Variants in PTPRN2 observed in about 807,000 individuals in gnomAD.
PTPRN2 encodes the protein protein tyrosine phosphatase receptor type N2.
Under a neutral mutation model 118.8 loss-of-function variants are expected in PTPRN2, and 74 were observed. The observed-to-expected ratio is 0.62, with a 90% confidence interval of 0.52 to 0.76. The LOEUF is 0.76. Among genes scored for constraint, PTPRN2 ranks in the 30% least tolerant of loss-of-function variants. PTPRN2 has a pLI of 0.00. For synonymous variants in PTPRN2, 641 were observed against 608.0 expected, an observed-to-expected ratio of 1.05 and a Z score of -0.80; for missense variants, 1,481 against 1,394.4, an observed-to-expected ratio of 1.06 and a Z score of -0.99.
At chr7:157,648,912 T>A (rs1436220217) in intron 14 of PTPRN2, among the ~76,000 whole-genome samples, 101 of 84,022 alleles carry the variant, frequency 1.2e-3, no homozygotes, top group Admixed American at 3.3e-3. Context: ...GGTTGGACCC[T>A]TTCACTGTGC....
intron 5 of PTPRN2, among the ~76,000 whole-genome samples, chr7:158,183,731 C>T (rs1824910474): frequency 6.6e-6 from 1 of 152,240 alleles, no homozygotes; most frequent in African/African-American, 2.4e-5. Context: ...ATCTTGGAGG[C>T]AGTGTCTCCC....
At position 158,525,988 on chromosome 7, in the gene PTPRN2, TCTGCAGAC is replaced by T. The variant is rs1247425083; in HGVS notation, c.113-36211_113-36204del. 6.7e-4 allele frequency among the ~76,000 whole-genome samples: 102 copies of T among 152,190 alleles called. 1 individual carries two copies. The highest frequency in any genetic ancestry group is 3.2e-4 in the Non-Finnish European group (22 of 68,034). ...CAATGCCCCCCCATTGACTCGGCTC[TCTGCAGAC>T]CTGCAGACCTGCAGCCCAGCCCCTA... On this transcript the variant is annotated intron_variant, in intron 1 of 22. Coordinates refer to ENST00000389418, the MANE Select transcript of PTPRN2 (RefSeq NM_002847.5). This position sits in a 1 kb window ranked among gnomAD's most constrained non-coding sequence, Gnocchi z 4.1.
chr7:157,781,149 C>G (rs1367934847), intron 12 of PTPRN2, among the ~76,000 whole-genome samples: 1 of 152,202 alleles, frequency 6.6e-6, no homozygotes, highest in African/African-American at 2.4e-5. Flanking sequence ...AGAGCACTGC[C>G]CTGCCACAGC....
chr7:158,479,836 C>T (rs1313133148), intron 2 of PTPRN2, among the ~76,000 whole-genome samples: 3 of 152,330 alleles, frequency 2.0e-5, no homozygotes, highest in South Asian at 2.1e-4. Context: ...TACGGGGTGG[C>T]GGGCGCAAGC....
chr7:158,094,455 A>G (rs1049080769), intron 10 of PTPRN2, among the ~76,000 whole-genome samples: 2 of 151,838 alleles, frequency 1.3e-5, no homozygotes, highest in Non-Finnish European at 2.9e-5. Context: ...GATTACAGGC[A>G]CCTGCCACCA....
chr7:158,278,429 C>T (rs1002517409), intron 3 of PTPRN2, among the ~76,000 whole-genome samples: 21 of 152,210 alleles, frequency 1.4e-4, no homozygotes, highest in Admixed American at 6.5e-4. Flanking sequence ...TGAAGGTGGG[C>T]GCCTGTAATC....
intron 5 of PTPRN2, among the ~76,000 whole-genome samples, chr7:158,178,596 T>C (rs1378571930): frequency 2.1e-4 from 29 of 138,488 alleles, no homozygotes; most frequent in Admixed American, 5.1e-4. Context: ...TTTCTTTTTT[T>C]TTTTTTTTTT....
In PTPRN2 at chr7:157,861,517, C is replaced by G. The variant is rs1010879148; in HGVS notation, c.1788+37156G>C. On this transcript the variant is annotated intron_variant, in intron 12 of 22. Transcript: ENST00000389418. This position sits in a 1 kb window ranked among gnomAD's most constrained non-coding sequence, Gnocchi z 5.8. Reference sequence around the variant, plus strand: ...CTTGCAGGGCCCAGCCGCTGTGCCTCTGTGTGGCCTCCCCACCTTACCTGC... The same window carrying G: ...CTTGCAGGGCCCAGCCGCTGTGCCTGTGTGTGGCCTCCCCACCTTACCTGC... 6.6e-6 allele frequency among the ~76,000 whole-genome samples: 1 copy of G among 152,248 alleles called. No individual in the cohort carries two copies. The highest frequency in any genetic ancestry group is 2.4e-5 in the African/African-American group (1 of 41,468).
Position 157,591,893 on chromosome 7 carries a change from G to T in PTPRN2, c.2496+3345C>A, listed in dbSNP as rs969862513. 2.0e-5 allele frequency among the ~76,000 whole-genome samples: 3 copies of T among 152,176 alleles called. No homozygotes were observed. The highest frequency in any genetic ancestry group is 4.8e-5 in the African/African-American group (2 of 41,444). On this transcript the variant is annotated intron_variant, in intron 17 of 22. Transcript: ENST00000389418. The surrounding 1 kb of genome is among the most constrained non-coding windows in gnomAD (Gnocchi z 4.4). The stretch of plus-strand genomic sequence containing the variant: ...AAGCAATGACGTCGTGGTCAGGGAC[G>T]TCTGCAGGGAGCAAAATGAAGCGAG...
At chr7:158,149,076 C>A (rs910418877) in intron 6 of PTPRN2, among the ~76,000 whole-genome samples, 1 of 129,682 alleles carries the variant, frequency 7.7e-6, no homozygotes, top group Non-Finnish European at 1.7e-5. Flanking sequence ...GTGTCATTCC[C>A]CCTCACTGAC....
chr7:157,851,011 G>A (rs1809239306), intron 12 of PTPRN2, among the ~76,000 whole-genome samples: 1 of 152,234 alleles, frequency 6.6e-6, no homozygotes, highest in Non-Finnish European at 1.5e-5. Flanking sequence ...GAATGGGCGG[G>A]CTGTCGAACA....
chr7:158,316,764 C>A, intron 3 of PTPRN2, 55 bp downstream of exon 3: 3 of 1,339,816 alleles, frequency 2.2e-6, no homozygotes, highest in South Asian at 2.7e-5. Context: ...AGAAGCCAAG[C>A]CCGTGCGGTC....
chr7:158,101,108 C>T (rs1293128390), intron 10 of PTPRN2, among the ~76,000 whole-genome samples: 1 of 152,196 alleles, frequency 6.6e-6, no homozygotes, highest in Admixed American at 6.5e-5. Flanking sequence ...CATCACATTA[C>T]CTGACTTCAA....
chr7:158,530,047 C>A (rs527402624), intron 1 of PTPRN2, among the ~76,000 whole-genome samples: 4 of 152,276 alleles, frequency 2.6e-5, no homozygotes, highest in African/African-American at 9.6e-5. Context: ...GTTTCTGTCA[C>A]AACCAAGAGG....
At chr7:158,198,070 A>T (rs1270572536) in intron 4 of PTPRN2, among the ~76,000 whole-genome samples, 2 of 152,208 alleles carry the variant, frequency 1.3e-5, no homozygotes, top group African/African-American at 2.4e-5. Flanking sequence ...CTATGTTGTC[A>T]GAGTGTAATT....
chr7:158,396,705 CAT>C (rs1279666234), intron 2 of PTPRN2, among the ~76,000 whole-genome samples: 8 of 152,148 alleles, frequency 5.3e-5, no homozygotes, highest in East Asian at 1.9e-4. Flanking sequence ...TGTGTGTGCA[CAT>C]GTGTGCATGT....
At chr7:158,268,516 G>A (rs1455860402) in intron 3 of PTPRN2, among the ~76,000 whole-genome samples, 1 of 141,196 alleles carries the variant, frequency 7.1e-6, no homozygotes, top group Non-Finnish European at 1.5e-5. Flanking sequence ...AACAGGGCGG[G>A]TGTGAAATAT....
intron 14 of PTPRN2, among the ~76,000 whole-genome samples, chr7:157,623,480 C>A (rs1193587188): frequency 6.6e-6 from 1 of 152,182 alleles, no homozygotes; most frequent in East Asian, 1.9e-4. Flanking sequence ...ATGATGGGTT[C>A]TAAAATGATG....
intron 6 of PTPRN2, among the ~76,000 whole-genome samples, chr7:158,157,819 C>T (rs185404575): frequency 2.0e-5 from 3 of 152,334 alleles, no homozygotes; most frequent in South Asian, 2.1e-4. Flanking sequence ...GCTGACTCCA[C>T]GGTGTGCTGA....
Sources: allele counts gnomAD v4.1 joint callset (sites outside exome capture counted in the v4.1 genomes callset), GRCh38; gene constraint gnomAD v4.1.1; non-coding constraint Gnocchi (gnomAD v3.1); transcripts MANE v1.5; gene names NCBI Gene and HGNC (gene_info 2026-07-23, HGNC 2026-07-21).